KDM7A: variants seen among roughly 807,000 people sequenced by gnomAD.
KDM7A encodes lysine demethylase 7A.
KDM7A carries 28 observed loss-of-function variants against 114.8 expected under a neutral mutation model. The ratio of observed to expected loss-of-function variants is 0.24; its 90% CI spans 0.18 to 0.33. KDM7A has a LOEUF of 0.33. KDM7A is among the 10% of genes least tolerant of loss of function. The pLI, the probability that KDM7A is intolerant of heterozygous loss-of-function variation, is 1.00. For missense variants in KDM7A, 942 were observed against 1,142.5 expected (o/e 0.82, Z 2.53); for synonymous variants, 423 against 397.8 (o/e 1.06, Z -0.75).
rs1484004885 is a variant in KDM7A at position 140,088,279 on chromosome 7, A to G, written c.*2815T>C. On this transcript the variant is annotated 3_prime_UTR_variant, in exon 20 of 20. Coordinates refer to ENST00000397560, the MANE Select transcript of KDM7A (RefSeq NM_030647.2). Reference sequence around the variant, plus strand: ...TTGTTTACATCACTCATCAATATTGAAAAGCATAATATTATGTGACATTGT... The same window carrying G: ...TTGTTTACATCACTCATCAATATTGGAAAGCATAATATTATGTGACATTGT... 2.7e-6 allele frequency: 1 copy of G among 374,164 alleles called. No homozygotes were observed. The highest frequency in any genetic ancestry group is 3.8e-5 in the East Asian group (1 of 26,152). The allele number at this position is 374,164 out of a possible 1,614,324, so 23.2% of individuals were successfully genotyped here. A position where few individuals can be genotyped will look rare whatever the true frequency, so the allele number is the denominator to read the frequency against.
chr7:140,159,775 A>C (rs1341952493), intron 1 of KDM7A, among the ~76,000 whole-genome samples: 1 of 152,116 alleles, frequency 6.6e-6, no homozygotes, highest in Non-Finnish European at 1.5e-5. Context: ...GAATGGCTAG[A>C]CCTGATGGGA....
chr7:140,115,856 T>TA (rs34762481), intron 9 of KDM7A, among the ~76,000 whole-genome samples: 85 of 84,982 alleles, frequency 1.0e-3, no homozygotes, highest in South Asian at 8.5e-3. Flanking sequence ...ACAAGAAAAG[T>TA]AAAAAAAAAA....
At chr7:140,097,466 T>C in intron 15 of KDM7A, 79 bp downstream of exon 15, 2 of 765,356 alleles carry the variant, frequency 2.6e-6, no homozygotes, top group Admixed American at 4.7e-5. Context: ...AAGCTGTCAT[T>C]TGCCTTGCTT....
At chr7:140,121,352 T>C (rs1365527052) in intron 7 of KDM7A, among the ~76,000 whole-genome samples, 1 of 152,224 alleles carries the variant, frequency 6.6e-6, no homozygotes, top group Non-Finnish European at 1.5e-5. Context: ...GCTTTTAAAA[T>C]ACACAAATCC....
At chr7:140,112,248 C>T (rs927204782) in intron 10 of KDM7A, among the ~76,000 whole-genome samples, 1 of 152,136 alleles carries the variant, frequency 6.6e-6, no homozygotes, top group Non-Finnish European at 1.5e-5. Context: ...AGGCAGTAAC[C>T]TATTAATTAC....
chr7:140,135,542 C>T (rs1007600640), intron 2 of KDM7A, among the ~76,000 whole-genome samples: 7 of 152,090 alleles, frequency 4.6e-5, no homozygotes, highest in African/African-American at 1.7e-4. Flanking sequence ...CAATGTTTAT[C>T]CTGCTTATCT....
At chr7:140,117,897 C>G (rs927145670) in intron 9 of KDM7A, among the ~76,000 whole-genome samples, 1 of 152,196 alleles carries the variant, frequency 6.6e-6, no homozygotes, top group Non-Finnish European at 1.5e-5. Context: ...GCATGGGATT[C>G]TACCCCTATC....
At chr7:140,133,926 T>C (rs895136852) in intron 2 of KDM7A, among the ~76,000 whole-genome samples, 8 of 152,220 alleles carry the variant, frequency 5.3e-5, no homozygotes, top group African/African-American at 1.9e-4. Flanking sequence ...GAGCCTTTTA[T>C]AATGTCCACA....
intron 13 of KDM7A, among the ~76,000 whole-genome samples, chr7:140,099,485 C>A (rs1818167386): frequency 6.6e-6 from 1 of 152,144 alleles, no homozygotes; most frequent in Admixed American, 6.5e-5. Context: ...AGGTGTGAGC[C>A]ACTGAGCTCA....
chr7:140,121,519 A>G (rs1341546498), intron 7 of KDM7A, among the ~76,000 whole-genome samples: 1 of 152,224 alleles, frequency 6.6e-6, no homozygotes, highest in African/African-American at 2.4e-5. Flanking sequence ...AGTCTGTGCC[A>G]ACTCCAAATC....
intron 12 of KDM7A, among the ~76,000 whole-genome samples, chr7:140,100,721 T>C (rs1442720728): frequency 7.0e-5 from 4 of 57,234 alleles, no homozygotes; most frequent in Middle Eastern, 0.011. Flanking sequence ...CATATATATA[T>C]ATATATATAT....
At chr7:140,152,427 C>T (rs912622687) in intron 1 of KDM7A, among the ~76,000 whole-genome samples, 1 of 152,114 alleles carries the variant, frequency 6.6e-6, no homozygotes, top group Admixed American at 6.5e-5. Flanking sequence ...CAGTTCAAGA[C>T]CAGCCTGGGC....
intron 11 of KDM7A, 98 bp downstream of exon 11, chr7:140,110,993 AGTGT>A: frequency 1.6e-6 from 1 of 615,546 alleles, no homozygotes; most frequent in East Asian, 2.8e-5. Context: ...ATTTCTTCTA[AGTGT>A]GTAAGAGTTT....
intron 1 of KDM7A, among the ~76,000 whole-genome samples, chr7:140,141,329 A>C (rs1485071628): frequency 6.6e-6 from 1 of 152,128 alleles, no homozygotes; most frequent in Admixed American, 6.6e-5. Context: ...TACTCAAAGC[A>C]TTCACAGAAA....
intron 9 of KDM7A, among the ~76,000 whole-genome samples, chr7:140,117,372 G>C (rs750175239): frequency 6.6e-6 from 1 of 151,952 alleles, no homozygotes; most frequent in African/African-American, 2.4e-5. Context: ...TTGTCTTTCA[G>C]GTAAAGCTCT....
chr7:140,124,755 G>T lies in KDM7A; in HGVS notation c.917C>A (p.Pro306Gln). Residue 306 changes from proline (P) to glutamine (Q), a missense_variant, in exon 7 of 20, where the codon CCA becomes CAA. Pro to Gln is a moderately conservative substitution (Grantham distance 76). Coordinates refer to ENST00000397560, the MANE Select transcript of KDM7A (RefSeq NM_030647.2). ...ATAACGTGCCAAATTTTCATCTGTT[G>T]GCTTTATTAAATAAAAAATCTTCTC... is the stretch of plus-strand genomic sequence containing the variant. ...WGEKIFYLIK[P>Q]TDENLARYES... 6.2e-7 allele frequency: 1 copy of T among 1,608,820 alleles called. No individual in the cohort carries two copies. The highest frequency in any genetic ancestry group is 8.5e-7 in the Non-Finnish European group (1 of 1,177,730).
rs995324728 is a variant in KDM7A at position 140,152,067 on chromosome 7, CATAA to C, written c.195-12881_195-12878del. Among the ~76,000 whole-genome samples the C allele has an allele frequency of 7.9e-5, 12 of 152,122 alleles. 1 individual carries two copies. The highest frequency in any genetic ancestry group is 2.9e-4 in the African/African-American group (12 of 41,436). ...GTTTTCCTACTAACCTTTCTCATCT[CATAA>C]ATAGTCTTCAGTGCCTGCATCTAAG... On this transcript the variant is annotated intron_variant, in intron 1 of 19. Transcript: ENST00000397560.
rs1359385707 is a variant in KDM7A, at chr7:140,133,669, A to C, written c.281-13T>G. The C allele has an allele frequency of 2.1e-6, 3 of 1,435,940 alleles. No individual in the cohort carries two copies. The highest frequency in any genetic ancestry group is 1.9e-6 in the Non-Finnish European group (2 of 1,026,660). The allele number at this position is 1,435,940 out of a possible 1,614,324, so 88.9% of individuals were successfully genotyped here. A position where few individuals can be genotyped will look rare whatever the true frequency, so the allele number is the denominator to read the frequency against. On this transcript the variant is annotated splice_polypyrimidine_tract_variant and intron_variant, in intron 2 of 19. Transcript: ENST00000397560. ...CTCCTTTTTTTCACTGGATTTTTAA[A>C]AGATTAAAAAAAAATGATTTTGGTA...
At chr7:140,142,793 G>A (rs372099393) in intron 1 of KDM7A, among the ~76,000 whole-genome samples, 1 of 151,880 alleles carries the variant, frequency 6.6e-6, no homozygotes, top group African/African-American at 2.4e-5. Flanking sequence ...TGTGCACCAG[G>A]ATACCTACCT....
Sources: gnomAD v4.1 joint callset for allele counts (sites outside exome capture counted in the v4.1 genomes callset) on GRCh38, gnomAD v4.1.1 for gene constraint, MANE v1.5 for transcripts, NCBI Gene and HGNC (gene_info 2026-07-23, HGNC 2026-07-21) for gene names.